LDLRAD4: variants seen among roughly 807,000 people sequenced by gnomAD.
LDLRAD4 encodes low density lipoprotein receptor class A domain containing 4.
In LDLRAD4, 5 loss-of-function variants were observed where a neutral mutation model predicts 17.0. The ratio of observed to expected loss-of-function variants is 0.29; its 90% CI spans 0.15 to 0.62. The LOEUF (loss-of-function observed/expected upper bound fraction) is 0.62, where lower values mean the gene tolerates loss of function less well. Ranked by LOEUF, LDLRAD4 falls within the 20% of genes least tolerant of loss-of-function variation. The probability of loss-of-function intolerance (pLI) is 0.84; values close to 1 mark genes in which losing one functional copy is unlikely to be tolerated. For synonymous variants in LDLRAD4, 168 were observed against 171.8 expected (o/e 0.98, Z 0.17); for missense variants, 340 against 424.7 (o/e 0.80, Z 1.75).
intron 1 of LDLRAD4, among the ~76,000 whole-genome samples, chr18:13,305,923 C>T (rs1267666545): frequency 6.6e-6 from 1 of 152,014 alleles, no homozygotes; most frequent in Non-Finnish European, 1.5e-5. Context: ...AAAGCAAAGT[C>T]GTTATATGAC....
At chr18:13,291,161 C>A (rs533256386) in intron 1 of LDLRAD4, among the ~76,000 whole-genome samples, 177 of 152,316 alleles carry the variant, frequency 1.2e-3, no homozygotes, top group Admixed American at 1.9e-3. Context: ...GCACACACAT[C>A]CACGCCGCCT....
At chr18:13,358,308 ATATAGATATCTAGAT>A (rs2083462146) in intron 1 of LDLRAD4, among the ~76,000 whole-genome samples, 1 of 152,112 alleles carries the variant, frequency 6.6e-6, no homozygotes, top group Admixed American at 6.5e-5. Context: ...CTGTTTATCG[ATATAGATATCTAGAT>A]TATATATATC....
chr18:13,229,832 A>G (rs1381127474), intron 1 of LDLRAD4, among the ~76,000 whole-genome samples: 1 of 152,202 alleles, frequency 6.6e-6, no homozygotes, highest in Non-Finnish European at 1.5e-5. Context: ...AGGTGTGCCC[A>G]CGGTTGCCAC....
At chr18:13,571,690 G>A (rs538125172) in intron 3 of LDLRAD4, among the ~76,000 whole-genome samples, 2 of 152,298 alleles carry the variant, frequency 1.3e-5, no homozygotes, top group South Asian at 2.1e-4. Flanking sequence ...AGGCTGGAGT[G>A]CAGTGGTATG....
chr18:13,594,581 G>A (rs1167851770), intron 3 of LDLRAD4, among the ~76,000 whole-genome samples: 4 of 145,644 alleles, frequency 2.7e-5, no homozygotes, highest in Admixed American at 1.5e-4. Context: ...CACAAGAGTC[G>A]CTTGAACCCG....
chr18:13,245,312 AGGGCAGCCGTGT>A (rs1416723433), intron 1 of LDLRAD4, among the ~76,000 whole-genome samples: 2 of 152,208 alleles, frequency 1.3e-5, no homozygotes, highest in Non-Finnish European at 2.9e-5. Context: ...CAGGCACGTG[AGGGCAGCCGTGT>A]GTAGTCTTGT....
At chr18:13,522,371 T>A (rs563440319) in intron 3 of LDLRAD4, 1 of 152,190 alleles carries the variant, frequency 6.6e-6, no homozygotes, top group Non-Finnish European at 1.5e-5. Flanking sequence ...TTTTAATATT[T>A]GTGTAGCATT....
Position 13,485,301 on chromosome 18 carries a change from T to G in LDLRAD4, c.181+46917T>G, listed in dbSNP as rs1343894234. 2.0e-5 allele frequency among the ~76,000 whole-genome samples: 3 copies of G among 151,792 alleles called. No individual in the cohort carries two copies. The East Asian group carries it at 5.8e-4, about 29-fold the overall frequency. On this transcript the variant is annotated intron_variant, in intron 3 of 5. Transcript: ENST00000359446. ...GACCCCACAAAGCCTCTGGTAGGAG[T>G]GTAGTTGGTGGTAGAAACACGGAGT... is the stretch of plus-strand genomic sequence containing the variant.
At chr18:13,468,743 T>C (rs574934378) in intron 3 of LDLRAD4, among the ~76,000 whole-genome samples, 10 of 151,072 alleles carry the variant, frequency 6.6e-5, no homozygotes, top group Non-Finnish European at 1.5e-4. Context: ...AGCAAACTAT[T>C]GCAAGGACAA....
chr18:13,388,412 G>A (rs1217875922), intron 2 of LDLRAD4, among the ~76,000 whole-genome samples: 1 of 152,184 alleles, frequency 6.6e-6, no homozygotes, highest in African/African-American at 2.4e-5. Context: ...TTAATCCTCT[G>A]GGCCTCTGGC....
At chr18:13,229,082 C>A (rs1049407190) in intron 1 of LDLRAD4, among the ~76,000 whole-genome samples, 10 of 152,240 alleles carry the variant, frequency 6.6e-5, no homozygotes, top group Admixed American at 1.3e-4. Flanking sequence ...CTGCCATCTG[C>A]ATGGAGGAAG....
intron 3 of LDLRAD4, among the ~76,000 whole-genome samples, chr18:13,585,016 G>A (rs2094915606): frequency 6.6e-6 from 1 of 152,226 alleles, no homozygotes; most frequent in Non-Finnish European, 1.5e-5. Context: ...ACACGCGTCT[G>A]AGCTGACAAA....
rs76349507 is a variant in LDLRAD4 at position 13,251,235 on chromosome 18, A to G, written c.-466-26870A>G. 2.1e-3 allele frequency among the ~76,000 whole-genome samples: 315 copies of G among 152,320 alleles called. 8 individuals are homozygous for G. In the East Asian group the frequency reaches 0.049, roughly 24 times the overall value. On this transcript the variant is annotated intron_variant, in intron 1 of 5. Coordinates refer to the LDLRAD4 transcript ENST00000399848. Reference sequence around the variant, plus strand: ...TATAGAAGGAATGTACCTCAACACAATAAGGGCCATAAATGACAAAACCAC... The same window carrying G: ...TATAGAAGGAATGTACCTCAACACAGTAAGGGCCATAAATGACAAAACCAC...
chr18:13,451,728 G>A (rs1055797125), intron 3 of LDLRAD4, among the ~76,000 whole-genome samples: 4 of 152,192 alleles, frequency 2.6e-5, no homozygotes, highest in Admixed American at 1.3e-4. Flanking sequence ...CTCACAGACC[G>A]TGCCTTCTGG....
At chr18:13,291,514 G>A (rs1448780258) in intron 1 of LDLRAD4, among the ~76,000 whole-genome samples, 2 of 152,066 alleles carry the variant, frequency 1.3e-5, no homozygotes, top group Admixed American at 6.5e-5. Flanking sequence ...CTTGAGCTGC[G>A]GGGACCTGGC....
At chr18:13,330,797 A>G (rs1344107464) in intron 1 of LDLRAD4, among the ~76,000 whole-genome samples, 1 of 152,196 alleles carries the variant, frequency 6.6e-6, no homozygotes, top group Non-Finnish European at 1.5e-5. Flanking sequence ...TGGAACCTTC[A>G]GCCCACCCCC....
chr18:13,363,308 G>A (rs2083815340), intron 1 of LDLRAD4, among the ~76,000 whole-genome samples: 1 of 135,746 alleles, frequency 7.4e-6, no homozygotes, highest in African/African-American at 2.8e-5. Context: ...CTCCAACCTG[G>A]GCGACAGAGC....
intron 3 of LDLRAD4, among the ~76,000 whole-genome samples, chr18:13,545,915 C>T (rs2094355199): frequency 6.6e-6 from 1 of 152,150 alleles, no homozygotes; most frequent in Admixed American, 6.5e-5. Context: ...GTCATAGTCA[C>T]AGAGCTGTCC....
Position 13,440,189 on chromosome 18 carries a change from C to T in LDLRAD4, c.181+1805C>T, listed in dbSNP as rs2146199386. The stretch of plus-strand genomic sequence containing the variant: ...CTCTGCTCTGGGGCGCTCCACAGGC[C>T]TCTTCTGGTCTGCGGGCTCCTCCTT... On this transcript the variant is annotated intron_variant, in intron 3 of 5. Transcript: ENST00000359446. The surrounding 1 kb of genome is among the most constrained non-coding windows in gnomAD (Gnocchi z 4.4). Among the ~76,000 whole-genome samples, 1 of 152,292 alleles carries T rather than the reference C, an allele frequency of 6.6e-6. No homozygotes were observed. Among genetic ancestry groups the T allele is most frequent in the Middle Eastern group, 3.4e-3 (1 of 294 alleles).
Sources: allele counts gnomAD v4.1 joint callset (sites outside exome capture counted in the v4.1 genomes callset), GRCh38; gene constraint gnomAD v4.1.1; non-coding constraint Gnocchi (gnomAD v3.1); transcripts MANE v1.5; gene names NCBI Gene and HGNC (gene_info 2026-07-23, HGNC 2026-07-21).